Variants in AACS observed in about 807,000 individuals in gnomAD.
AACS encodes acetoacetate-CoA ligase.
Under a neutral mutation model 83.1 loss-of-function variants are expected in AACS, and 69 were observed. The ratio of observed to expected loss-of-function variants is 0.83; its 90% confidence interval spans 0.68 to 1.01. The LOEUF (loss-of-function observed/expected upper bound fraction) is 1.01. Among genes scored for constraint, AACS ranks in the 50% least tolerant of loss-of-function variants. AACS has a pLI of 0.00. For synonymous variants in AACS, 333 were observed against 343.4 expected, an observed-to-expected ratio of 0.97 and a Z score of 0.33; for missense variants, 866 against 882.2, an observed-to-expected ratio of 0.98 and a Z score of 0.23.
In AACS at chr12:125,103,060, A is replaced by C. The variant is rs1241226586; in HGVS notation, c.746A>C (p.Asp249Ala). Residue 249 changes from aspartate to alanine, a missense_variant, in exon 7 of 18, where the codon GAC (aspartate) becomes GCC (alanine). Coordinates refer to ENST00000316519, the MANE Select transcript of AACS (RefSeq NM_023928.5). ...TATGTGTCCTCCAGAGAGAACATAG[A>C]CCTTTCAAAGATTCCAAACAGGTAA... is the stretch of plus-strand genomic sequence containing the variant. ...IPYVSSRENI[D>A]LSKIPNSVFL... 1 of 1,614,026 alleles carries C rather than the reference A, an allele frequency of 6.2e-7. No homozygotes were observed.
chr12:125,133,033 A>G (rs1045881051), intron 14 of AACS, among the ~76,000 whole-genome samples: 1 of 152,206 alleles, frequency 6.6e-6, no homozygotes, highest in South Asian at 2.1e-4. Context: ...CCCGGATCGC[A>G]GGAAATCTTC....
chr12:125,100,678 T>G (rs1450684632), intron 5 of AACS, among the ~76,000 whole-genome samples: 1 of 152,204 alleles, frequency 6.6e-6, no homozygotes, highest in Non-Finnish European at 1.5e-5. Flanking sequence ...GGATGGCTGG[T>G]GAGAACAGAT....
intron 3 of AACS, chr12:125,078,342 G>A (rs1048139890): frequency 1.1e-5 from 5 of 456,088 alleles, no homozygotes; most frequent in African/African-American, 2.0e-5. Context: ...GAGCCATGGA[G>A]CAACGTCTCG....
At chr12:125,078,897 G>A (rs576212713) in intron 3 of AACS, among the ~76,000 whole-genome samples, 2 of 146,438 alleles carry the variant, frequency 1.4e-5, no homozygotes, top group East Asian at 1.9e-4. Context: ...CTGATGTTCC[G>A]GGGGGCAAAG....
At chr12:125,088,866 C>T (rs922445749) in intron 4 of AACS, among the ~76,000 whole-genome samples, 1 of 152,184 alleles carries the variant, frequency 6.6e-6, no homozygotes, top group Non-Finnish European at 1.5e-5. Context: ...CGGATTTGAC[C>T]TGATCATAGT....
At chr12:125,112,215 T>C (rs1389394452) in intron 8 of AACS, among the ~76,000 whole-genome samples, 1 of 152,196 alleles carries the variant, frequency 6.6e-6, no homozygotes, top group Non-Finnish European at 1.5e-5. Context: ...TGTAACTTTC[T>C]AAGAAGCTTT....
intron 1 of AACS, among the ~76,000 whole-genome samples, chr12:125,068,658 T>C (rs1955771070): frequency 6.6e-6 from 1 of 152,104 alleles, no homozygotes; most frequent in Non-Finnish European, 1.5e-5. Context: ...GAAGGTGATT[T>C]CCACCTGACT....
intron 13 of AACS, chr12:125,128,732 C>T (rs1041428122): frequency 6.4e-6 from 1 of 155,892 alleles, no homozygotes; most frequent in Middle Eastern, 3.2e-3. Flanking sequence ...GTCAGTGAAG[C>T]TGAAGATGCA....
In AACS at chr12:125,140,962, TATAA is replaced by T. The variant is rs1957478516; in HGVS notation, c.1882-1124_1882-1121del. 6.6e-6 allele frequency: 1 copy of T among 152,198 alleles called. No homozygotes were observed. The highest frequency in any genetic ancestry group is 6.5e-5 in the Admixed American group (1 of 15,280). 9.4% of individuals were successfully genotyped at this position (152,198 alleles called of 1,614,324 possible). A position where few individuals can be genotyped will look rare whatever the true frequency, so the allele number is the denominator to read the frequency against. ...TAAAATATATAGAGAAGTAAAAAAG[TATAA>T]ATAAAAGTAAAATCATCATAAAACA... On this transcript the variant is annotated intron_variant, in intron 17 of 17. Coordinates refer to ENST00000316519, the MANE Select transcript of AACS (RefSeq NM_023928.5). The surrounding 1 kb of genome is among the most constrained non-coding windows in gnomAD (Gnocchi z 5.1).
Position 125,118,740 on chromosome 12 carries a change from C to T in AACS, c.1096C>T (p.Leu366Phe). 1 of 1,614,142 alleles carries T rather than the reference C, an allele frequency of 6.2e-7. No individual in the cohort carries two copies. Among genetic ancestry groups the T allele is most frequent in the Non-Finnish European group, 8.5e-7 (1 of 1,180,010 alleles). Reference sequence around the variant, plus strand: ...CCCCCTGGTGCCCACGCCCAATGTGCTCTGGGACCTGGTTGACAGGATAGG... The same window carrying T: ...CCCCCTGGTGCCCACGCCCAATGTGTTCTGGGACCTGGTTGACAGGATAGG... Reference protein sequence around the residue: ...GSPLVPTPNVLWDLVDRIGIT... With the variant: ...GSPLVPTPNVFWDLVDRIGIT... The change falls in exon 10 of 18, where the codon CTC (leucine) becomes TTC (phenylalanine). Residue 366 changes from leucine to phenylalanine, a missense_variant. Transcript: ENST00000316519.
rs943153129 is a variant in AACS at position 125,130,095 on chromosome 12, G to A, written c.1549+635G>A. ...AGTTACTGCTGCTATATAATTCATC[G>A]TTTAGCAAGCCTTCTGTTCCAGAGT... On this transcript the variant is annotated intron_variant, in intron 14 of 17. Transcript: ENST00000316519. This position sits in a 1 kb window ranked among gnomAD's most constrained non-coding sequence, Gnocchi z 4.9. Among the ~76,000 whole-genome samples, 3 of 152,156 alleles carry A rather than the reference G, an allele frequency of 2.0e-5. No individual in the cohort carries two copies. Among genetic ancestry groups the A allele is most frequent in the African/African-American group, 4.8e-5 (2 of 41,428 alleles).
At chr12:125,090,128 TATC>T (rs1373327767) in intron 4 of AACS, among the ~76,000 whole-genome samples, 1 of 6,764 alleles carries the variant, frequency 1.5e-4, no homozygotes, top group Non-Finnish European at 3.5e-4. Context: ...ATCTTCCATT[TATC>T]ATCCATCACC....
Position 125,065,675 on chromosome 12 carries a change from CG to C in AACS, c.92del (p.Arg31ProfsTer97). ...CAGTAAGAAGAACACGCAGATGGAC[CG>C]CTTCCGGGCGGCTGTGGGCGCCGCC... ...PDSKKNTQMD[R>X]FRAAVGAACG... On this transcript the variant is annotated frameshift_variant, in exon 1 of 18. Coordinates refer to ENST00000316519, the MANE Select transcript of AACS (RefSeq NM_023928.5). LOFTEE classifies it high-confidence loss of function. The C allele has an allele frequency of 6.5e-7, 1 of 1,545,478 alleles. No homozygotes were observed. The highest frequency in any genetic ancestry group is 1.4e-5 in the African/African-American group (1 of 72,390).
In AACS at chr12:125,097,076, C is replaced by G. The variant is rs1454922307; in HGVS notation, c.570+5553C>G. Among the ~76,000 whole-genome samples the G allele has an allele frequency of 2.0e-5, 3 of 152,106 alleles. No individual in the cohort carries two copies. The East Asian group carries it at 5.8e-4, about 29-fold the overall frequency. On this transcript the variant is annotated intron_variant, in intron 5 of 17. Transcript: ENST00000316519. The surrounding 1 kb of genome is among the most constrained non-coding windows in gnomAD (Gnocchi z 4.3). The stretch of plus-strand genomic sequence containing the variant: ...ATTTGGGCAGGGTGTATGTTAGCAT[C>G]AGACGCAAGGAGGGCTAGCCCTGGT...
rs781331849 is a variant in AACS, at chr12:125,129,614, G to T, written c.1549+154G>T. Among the ~76,000 whole-genome samples the T allele has an allele frequency of 4.6e-5, 7 of 152,096 alleles. No homozygotes were observed. Among genetic ancestry groups the T allele is most frequent in the Non-Finnish European group, 1.0e-4 (7 of 68,020 alleles). Reference sequence around the variant, plus strand: ...TTCATTCCGCCAGTGGGGGGATAATGAATTTTTGATCAATATCTTGTTGTC... The same window carrying T: ...TTCATTCCGCCAGTGGGGGGATAATTAATTTTTGATCAATATCTTGTTGTC... On this transcript the variant is annotated intron_variant, in intron 14 of 17. Transcript: ENST00000316519. This position sits in a 1 kb window ranked among gnomAD's most constrained non-coding sequence, Gnocchi z 4.3.
At chr12:125,074,010 CT>C (rs1206618539) in intron 2 of AACS, 31 bp downstream of exon 2, 10 of 1,550,170 alleles carry the variant, frequency 6.5e-6, no homozygotes, top group Non-Finnish European at 8.9e-6. Flanking sequence ...GATATCATCT[CT>C]TTTTGTGGTC....
In AACS at chr12:125,134,002, G is replaced by A; in HGVS notation, c.1550-1G>A. 1 of 1,614,168 alleles carries A rather than the reference G, an allele frequency of 6.2e-7. No homozygotes were observed. Among genetic ancestry groups the A allele is most frequent in the Non-Finnish European group, 8.5e-7 (1 of 1,180,018 alleles). On this transcript the variant is annotated splice_acceptor_variant, in intron 14 of 17. Transcript: ENST00000316519. LOFTEE classifies it high-confidence loss of function. ...ACCGGGCACCTCTGCTGTCTTTGCAGGTATCTGGGCTCATGGCGACTACTG... is the reference window on the plus strand; with the variant it reads ...ACCGGGCACCTCTGCTGTCTTTGCAAGTATCTGGGCTCATGGCGACTACTG...
At chr12:125,090,199 T>C (rs1357020967) in intron 4 of AACS, among the ~76,000 whole-genome samples, 1 of 1,210 alleles carries the variant, frequency 8.3e-4, no homozygotes, top group African/African-American at 3.4e-3. Flanking sequence ...CATCTACCCA[T>C]TTACCCATTA....
chr12:125,114,589 A>C (rs1460074470), intron 9 of AACS, 32 bp downstream of exon 9: 1 of 1,591,100 alleles, frequency 6.3e-7, no homozygotes, highest in African/African-American at 1.4e-5. Context: ...GGCCTGTGCT[A>C]TACCACAATA....
Sources: gnomAD v4.1 joint callset for allele counts (sites outside exome capture counted in the v4.1 genomes callset) on GRCh38, gnomAD v4.1.1 for gene constraint, Gnocchi (gnomAD v3.1) non-coding constraint, MANE v1.5 for transcripts, NCBI Gene and HGNC (gene_info 2026-07-23, HGNC 2026-07-21) for gene names.